KHDRBS2: variants seen among roughly 807,000 people sequenced by gnomAD.
The protein encoded by KHDRBS2 is KH RNA binding domain containing, signal transduction associated 2.
KHDRBS2 carries 26 observed loss-of-function variants against 44.3 expected under a neutral mutation model. The observed-to-expected ratio is 0.59, with a 90% CI of 0.43 to 0.81. The LOEUF is 0.81. Among genes scored for constraint, KHDRBS2 ranks in the 40% least tolerant of loss-of-function variants. The pLI is 0.00. For missense variants in KHDRBS2, 476 were observed against 433.1 expected, an observed-to-expected ratio of 1.10 and a Z score of -0.88; for synonymous variants, 194 against 151.1, an observed-to-expected ratio of 1.28 and a Z score of -2.08.
chr6:61,739,047 A>G (rs1775789845), intron 6 of KHDRBS2, among the ~76,000 whole-genome samples: 2 of 151,946 alleles, frequency 1.3e-5, no homozygotes, highest in African/African-American at 4.8e-5. Flanking sequence ...GCACATATAC[A>G]TACAAATTCA....
intron 2 of KHDRBS2, among the ~76,000 whole-genome samples, chr6:62,154,288 T>C (rs1478492639): frequency 6.6e-6 from 1 of 152,278 alleles, no homozygotes; most frequent in East Asian, 1.9e-4. Context: ...TCTGGATAGC[T>C]CCCTTTCCCA....
intron 3 of KHDRBS2, among the ~76,000 whole-genome samples, chr6:62,006,255 G>C (rs1403208200): frequency 1.3e-5 from 2 of 151,858 alleles, no homozygotes; most frequent in Non-Finnish European, 2.9e-5. Context: ...AACAATGGAA[G>C]ACAAAAAGAA....
intron 6 of KHDRBS2, among the ~76,000 whole-genome samples, chr6:61,762,129 A>G (rs979788459): frequency 2.0e-5 from 3 of 152,230 alleles, no homozygotes; most frequent in Non-Finnish European, 2.9e-5. Flanking sequence ...CCAGCTTAGC[A>G]TAAGTCAAGG....
the KHDRBS2 span, among the ~76,000 whole-genome samples, chr6:61,558,574 A>G: frequency 2.0e-5 from 3 of 151,952 alleles, no homozygotes; most frequent in Non-Finnish European, 2.9e-5. Flanking sequence ...AACAAACAAA[A>G]ATCTGTTTTT....
At chr6:61,688,591 T>C (rs1767059291) in intron 8 of KHDRBS2, among the ~76,000 whole-genome samples, 1 of 151,946 alleles carries the variant, frequency 6.6e-6, no homozygotes, top group Non-Finnish European at 1.5e-5. Context: ...TGTAGTTACC[T>C]GATTGTCTTA....
intron 6 of KHDRBS2, among the ~76,000 whole-genome samples, chr6:61,833,729 G>T (rs1318590825): frequency 1.3e-5 from 2 of 152,048 alleles, no homozygotes; most frequent in African/African-American, 2.4e-5. Flanking sequence ...AAATACTATG[G>T]TTACACTGAA....
intron 4 of KHDRBS2, among the ~76,000 whole-genome samples, chr6:61,939,691 A>G (rs1384392070): frequency 6.6e-6 from 1 of 152,238 alleles, no homozygotes; most frequent in African/African-American, 2.4e-5. Context: ...GCTGAATTTT[A>G]GACTCCAAGA....
At chr6:61,708,147 TCA>T (rs1769895830) in intron 7 of KHDRBS2, among the ~76,000 whole-genome samples, 1 of 151,664 alleles carries the variant, frequency 6.6e-6, no homozygotes, top group African/African-American at 2.4e-5. Context: ...AAATTAGTGC[TCA>T]CATGTGTGAT....
At chr6:61,899,907 G>A (rs1803648356) in intron 5 of KHDRBS2, among the ~76,000 whole-genome samples, 1 of 151,848 alleles carries the variant, frequency 6.6e-6, no homozygotes, top group Non-Finnish European at 1.5e-5. Flanking sequence ...AAGATGACTA[G>A]CAATGATGTC....
At chr6:61,993,675 T>TATATATATATATGTATA (rs61137285) in intron 3 of KHDRBS2, among the ~76,000 whole-genome samples, 1 of 74,948 alleles carries the variant, frequency 1.3e-5, no homozygotes, top group Non-Finnish European at 2.8e-5. Flanking sequence ...ATATATATAT[T>TATATATATATATGTATA]TTTTTTTTTT....
chr6:62,154,515 T>C (rs921513208), intron 2 of KHDRBS2, among the ~76,000 whole-genome samples: 7 of 152,186 alleles, frequency 4.6e-5, no homozygotes, highest in African/African-American at 1.7e-4. Flanking sequence ...AGTAGGGTTC[T>C]GATTTATAAG....
the KHDRBS2 span, among the ~76,000 whole-genome samples, chr6:61,567,277 G>A: frequency 6.6e-6 from 1 of 152,196 alleles, no homozygotes; most frequent in Non-Finnish European, 1.5e-5. Context: ...CCTAAGAAAA[G>A]GGAGGCCAAG....
intron 6 of KHDRBS2, among the ~76,000 whole-genome samples, chr6:61,826,859 TGA>T (rs902728363): frequency 4.8e-4 from 73 of 152,264 alleles, no homozygotes; most frequent in African/African-American, 1.7e-3. Flanking sequence ...TTTTTTAGTG[TGA>T]GTTACAGAAC....
At chr6:61,631,581 T>G in the KHDRBS2 span, among the ~76,000 whole-genome samples, 1 of 152,166 alleles carries the variant, frequency 6.6e-6, no homozygotes, top group African/African-American at 2.4e-5. Context: ...GTGTCTTGAA[T>G]GTCAACCAGA....
At chr6:61,596,965 A>C in the KHDRBS2 span, among the ~76,000 whole-genome samples, 1 of 152,148 alleles carries the variant, frequency 6.6e-6, no homozygotes, top group South Asian at 2.1e-4. Flanking sequence ...TGTACTTCCA[A>C]AGGGATGACT....
chr6:61,607,529 A>AAAAAAAAG, the KHDRBS2 span, among the ~76,000 whole-genome samples: 1 of 145,494 alleles, frequency 6.9e-6, no homozygotes, highest in Non-Finnish European at 1.5e-5. Context: ...GCAAAAAAAA[A>AAAAAAAAG]AAAAAAAAAA....
intron 6 of KHDRBS2, among the ~76,000 whole-genome samples, chr6:61,848,478 T>TATATAC (rs1562293136): frequency 1.9e-5 from 1 of 51,990 alleles, no homozygotes; most frequent in East Asian, 3.9e-4. Flanking sequence ...TTTATATATA[T>TATATAC]ATATATATAT....
At chr6:61,566,778 A>T in the KHDRBS2 span, among the ~76,000 whole-genome samples, 1 of 152,178 alleles carries the variant, frequency 6.6e-6, no homozygotes, top group Non-Finnish European at 1.5e-5. Context: ...TCTAAGGGCC[A>T]CAGATCCAAG....
the KHDRBS2 span, among the ~76,000 whole-genome samples, chr6:61,654,790 C>T: frequency 6.6e-6 from 1 of 151,342 alleles, no homozygotes; most frequent in East Asian, 2.0e-4. Flanking sequence ...AACACAGGAG[C>T]CTTGGATTAC....
Sources: allele counts gnomAD v4.1 joint callset (sites outside exome capture counted in the v4.1 genomes callset), GRCh38; gene constraint gnomAD v4.1.1; transcripts MANE v1.5; gene names NCBI Gene and HGNC (gene_info 2026-07-23, HGNC 2026-07-21).